Variants in CXCR2 observed in about 807,000 individuals in gnomAD.
The protein encoded by CXCR2 is C-X-C motif chemokine receptor 2.
A neutral mutation model predicts 3.7 loss-of-function variants in CXCR2; 2 were observed. That is an observed-to-expected ratio of 0.55 (90% CI 0.22 to 1.72). The LOEUF (loss-of-function observed/expected upper bound fraction) is 1.72, where lower values mean the gene tolerates loss of function less well. Ranked by LOEUF, CXCR2 falls within the 40% of genes most tolerant of loss-of-function variation. The pLI is 0.19. For synonymous variants in CXCR2, 203 were observed against 193.3 expected (o/e 1.05, Z -0.41); for missense variants, 351 against 450.1 (o/e 0.78, Z 1.99).
rs547780350 is a variant in CXCR2, at chr2:218,132,543, C to T, written c.-25-2234C>T. ...TGTCATGTGAACATGGTAGAGTATA[C>T]GATGCTATAGCCTACTACACACATG... On this transcript the variant is annotated intron_variant, in intron 2 of 2. Coordinates refer to ENST00000318507, the MANE Select transcript of CXCR2 (RefSeq NM_001557.4). Among the ~76,000 whole-genome samples the T allele has an allele frequency of 1.5e-4, 23 of 152,248 alleles. No individual in the cohort carries two copies. The South Asian group carries it at 3.9e-3, about 26-fold the overall frequency.
Position 218,137,033 on chromosome 2 carries a change from A to G in CXCR2, c.*1149A>G, listed in dbSNP as rs201967136. Reference sequence around the variant, plus strand: ...AAACAGTAGTGATAGTTGTACCGCAATGTGACTTAATGCCACTAAATTGAC... The same window carrying G: ...AAACAGTAGTGATAGTTGTACCGCAGTGTGACTTAATGCCACTAAATTGAC... On this transcript the variant is annotated 3_prime_UTR_variant, in exon 3 of 3. Transcript: ENST00000318507. 4.8e-5 allele frequency: 8 copies of G among 166,860 alleles called. No homozygotes were observed. Among genetic ancestry groups the G allele is most frequent in the Non-Finnish European group, 1.2e-4 (8 of 68,098 alleles). The allele number at this position is 166,860 out of a possible 1,614,324, so 10.3% of individuals were successfully genotyped here. A position where few individuals can be genotyped will look rare whatever the true frequency, so the allele number is the denominator to read the frequency against.
chr2:218,136,030 A>G lies in CXCR2; in HGVS notation c.*146A>G. The G allele has an allele frequency of 9.3e-7, 1 of 1,072,326 alleles. No individual in the cohort carries two copies. The highest frequency in any genetic ancestry group is 1.4e-6 in the Non-Finnish European group (1 of 737,172). The allele number at this position is 1,072,326 out of a possible 1,614,324, so 66.4% of individuals were successfully genotyped here. The stretch of plus-strand genomic sequence containing the variant: ...AGGAAGTAGAGGAGGCCACGTTCTT[A>G]CTAGTTTCCCTTGCATGGTTTAGAA... On this transcript the variant is annotated 3_prime_UTR_variant, in exon 3 of 3. Transcript: ENST00000318507.
intron 2 of CXCR2, among the ~76,000 whole-genome samples, chr2:218,133,781 C>T (rs1404329153): frequency 6.6e-6 from 1 of 152,204 alleles, no homozygotes; most frequent in East Asian, 1.9e-4. Context: ...GGCTGGAAAG[C>T]CACCAAGCAA....
At chr2:218,128,454 G>A (rs1259424169) in intron 1 of CXCR2, among the ~76,000 whole-genome samples, 1 of 152,216 alleles carries the variant, frequency 6.6e-6, no homozygotes, top group African/African-American at 2.4e-5. Context: ...GGATTGAGGT[G>A]TTGTTCACTG....
At position 218,135,330 on chromosome 2, in the gene CXCR2, G is replaced by GCCC; in HGVS notation, c.530_532dup (p.Ala177_Leu178insPro). The GCCC allele has an allele frequency of 6.2e-7, 1 of 1,614,116 alleles. No homozygotes were observed. Among genetic ancestry groups the GCCC allele is most frequent in the Non-Finnish European group, 8.5e-7 (1 of 1,180,032 alleles). ...CATCTGGGGTCTGTCCTTGCTCCTG[G>GCCC]CCCTGCCTGTCTTACTTTTCCGAAG... On this transcript the variant is annotated inframe_insertion, in exon 3 of 3. Transcript: ENST00000318507. The surrounding 1 kb of genome is among the most constrained non-coding windows in gnomAD (Gnocchi z 4.0).
intron 2 of CXCR2, among the ~76,000 whole-genome samples, chr2:218,133,290 A>AT (rs60630461): frequency 0.054 from 3,999 of 73,458 alleles, 385 homozygotes; most frequent in Non-Finnish European, 0.073. Context: ...AGAAACTGGG[A>AT]TTTTTTTTTT....
chr2:218,132,229 G>A (rs1257523653), intron 2 of CXCR2, among the ~76,000 whole-genome samples: 3 of 151,984 alleles, frequency 2.0e-5, no homozygotes, highest in East Asian at 1.9e-4. Context: ...GAAAAACTCC[G>A]TAGTCATTAA....
chr2:218,135,101 C>T lies in CXCR2; in HGVS notation c.300C>T (p.Thr100=), dbSNP rs763954636. 3 of 1,614,226 alleles carry T rather than the reference C, an allele frequency of 1.9e-6. No homozygotes were observed. In the East Asian group the frequency reaches 6.7e-5, roughly 36 times the overall value. ...TGGCCGACCTACTCTTTGCCCTGAC[C>T]TTGCCCATCTGGGCCGCCTCCAAGG... ...LALADLLFAL[T]LPIWAASKVN... Residue 100 remains threonine, a synonymous_variant, in exon 3 of 3, where the codon ACC becomes ACT. Coordinates refer to ENST00000318507, the MANE Select transcript of CXCR2 (RefSeq NM_001557.4). This position sits in a 1 kb window ranked among gnomAD's most constrained non-coding sequence, Gnocchi z 4.0.
In CXCR2 at chr2:218,135,305, C is replaced by T. The variant is rs912436713; in HGVS notation, c.504C>T (p.Ser168=). Residue 168 remains serine (S), a synonymous_variant, in exon 3 of 3, where the codon AGC becomes AGT. Transcript: ENST00000318507. The surrounding 1 kb of genome is among the most constrained non-coding windows in gnomAD (Gnocchi z 4.0). The stretch of plus-strand genomic sequence containing the variant: ...ACTTGGTCAAATTCATATGTCTCAG[C>T]ATCTGGGGTCTGTCCTTGCTCCTGG... ...KRYLVKFICL[S]IWGLSLLLAL... is the part of the protein sequence containing the mutation. 1 of 1,614,234 alleles carries T rather than the reference C, an allele frequency of 6.2e-7. No homozygotes were observed. Among genetic ancestry groups the T allele is most frequent in the Admixed American group, 1.7e-5 (1 of 60,030 alleles).
chr2:218,131,250 C>T (rs1457426977), intron 2 of CXCR2, among the ~76,000 whole-genome samples: 2 of 152,184 alleles, frequency 1.3e-5, no homozygotes, highest in African/African-American at 4.8e-5. Flanking sequence ...CCACCCTTGA[C>T]CTCTTGACTT....
intron 2 of CXCR2, among the ~76,000 whole-genome samples, chr2:218,132,469 A>G (rs1690670661): frequency 6.6e-6 from 1 of 152,244 alleles, no homozygotes; most frequent in Admixed American, 6.5e-5. Context: ...TCTGTTGTAC[A>G]TAATACAGTC....
chr2:218,127,193 C>A (rs1032208030), intron 1 of CXCR2, among the ~76,000 whole-genome samples: 1 of 152,208 alleles, frequency 6.6e-6, no homozygotes, highest in Admixed American at 6.5e-5. Flanking sequence ...ATGGCACAAT[C>A]TCGGCTCACT....
At chr2:218,132,954 G>A (rs1369784628) in intron 2 of CXCR2, among the ~76,000 whole-genome samples, 2 of 152,184 alleles carry the variant, frequency 1.3e-5, no homozygotes, top group Admixed American at 6.5e-5. Flanking sequence ...CAACTGCTAA[G>A]CTGTTTTCCA....
At position 218,134,773 on chromosome 2, in the gene CXCR2, AT is replaced by A; in HGVS notation, c.-25-3del. On this transcript the variant is annotated splice_polypyrimidine_tract_variant and splice_region_variant and intron_variant, in intron 2 of 2. Coordinates refer to ENST00000318507, the MANE Select transcript of CXCR2 (RefSeq NM_001557.4). ...ATGCAGTAACCTTCATCTCTCTTCTATAGGTCAGGATTTAAGTTTACCTCAA... is the reference window on the plus strand; with the variant it reads ...ATGCAGTAACCTTCATCTCTCTTCTAAGGTCAGGATTTAAGTTTACCTCAA... 1 of 1,599,502 alleles carries A rather than the reference AT, an allele frequency of 6.3e-7. No individual in the cohort carries two copies. Among genetic ancestry groups the A allele is most frequent in the Non-Finnish European group, 8.5e-7 (1 of 1,171,762 alleles).
rs201294973 is a variant in CXCR2 at position 218,135,005 on chromosome 2, C to T, written c.204C>T (p.Leu68=). ...VFLLSLLGNS[L]VMLVILYSRV... ...TGCTGAGCCTGCTGGGAAACTCCCT[C>T]GTGATGCTGGTCATCTTATACAGCA... Residue 68 remains leucine (L), a synonymous_variant, in exon 3 of 3, where the codon CTC becomes CTT. Transcript: ENST00000318507. The surrounding 1 kb of genome is among the most constrained non-coding windows in gnomAD (Gnocchi z 4.0). 4.1e-5 allele frequency: 66 copies of T among 1,614,066 alleles called. No individual in the cohort carries two copies. Among genetic ancestry groups the T allele is most frequent in the Non-Finnish European group, 5.2e-5 (61 of 1,180,040 alleles).
intron 1 of CXCR2, among the ~76,000 whole-genome samples, chr2:218,127,687 A>G (rs1235878331): frequency 6.6e-6 from 1 of 152,204 alleles, no homozygotes; most frequent in Non-Finnish European, 1.5e-5. Flanking sequence ...TTTTAAACTG[A>G]AAACCTAGTT....
Position 218,134,787 on chromosome 2 carries a change from A to C in CXCR2, c.-15A>C. 1 of 1,608,978 alleles carries C rather than the reference A, an allele frequency of 6.2e-7. No homozygotes were observed. The highest frequency in any genetic ancestry group is 1.1e-5 in the South Asian group (1 of 90,780). Reference sequence around the variant, plus strand: ...ATCTCTCTTCTATAGGTCAGGATTTAAGTTTACCTCAAAAATGGAAGATTT... The same window carrying C: ...ATCTCTCTTCTATAGGTCAGGATTTCAGTTTACCTCAAAAATGGAAGATTT... On this transcript the variant is annotated 5_prime_UTR_variant, in exon 3 of 3. Transcript: ENST00000318507.
chr2:218,127,365 G>A (rs561680488), intron 1 of CXCR2, among the ~76,000 whole-genome samples: 1 of 152,180 alleles, frequency 6.6e-6, no homozygotes, highest in East Asian at 1.9e-4. Context: ...GGCCTCGAGT[G>A]ATCCACTCAC....
Position 218,135,462 on chromosome 2 carries a change from A to G in CXCR2, c.661A>G (p.Ile221Val), listed in dbSNP as rs1331943403. The G allele has an allele frequency of 6.2e-7, 1 of 1,614,056 alleles. No individual in the cohort carries two copies. The highest frequency in any genetic ancestry group is 1.7e-5 in the Admixed American group (1 of 59,998). Reference protein sequence around the residue: ...LRILPQSFGFIVPLLIMLFCY... With the variant: ...LRILPQSFGFVVPLLIMLFCY... ...GATCCTGCCCCAGTCCTTTGGCTTC[A>G]TCGTGCCACTGCTGATCATGCTGTT... The change falls in exon 3 of 3, where the codon ATC (isoleucine) becomes GTC (valine). Residue 221 changes from isoleucine (I) to valine (V), a missense_variant. By Grantham distance (29) the Ile-to-Val change is conservative (BLOSUM62 3). Transcript: ENST00000318507. This position sits in a 1 kb window ranked among gnomAD's most constrained non-coding sequence, Gnocchi z 4.0.
Sources: gnomAD v4.1 joint callset for allele counts (sites outside exome capture counted in the v4.1 genomes callset) on GRCh38, gnomAD v4.1.1 for gene constraint, Gnocchi (gnomAD v3.1) non-coding constraint, MANE v1.5 for transcripts, NCBI Gene and HGNC (gene_info 2026-07-23, HGNC 2026-07-21) for gene names.